Variants in PCDHGC4 observed in about 807,000 individuals in gnomAD.
PCDHGC4 encodes protocadherin gamma subfamily C, 4.
A neutral mutation model predicts 59.7 loss-of-function variants in PCDHGC4; 15 were observed. The ratio of observed to expected loss-of-function variants is 0.25; its 90% CI spans 0.17 to 0.39. The LOEUF (loss-of-function observed/expected upper bound fraction) is 0.39. PCDHGC4 is among the 10% of genes least tolerant of loss of function. The pLI is 1.00. For missense variants in PCDHGC4, 1,016 were observed against 1,189.5 expected (o/e 0.85, Z 2.15); for synonymous variants, 434 against 481.4 (o/e 0.90, Z 1.29).
chr5:141,494,491 T>C (rs2099754727), intron 1 of PCDHGC4, among the ~76,000 whole-genome samples: 1 of 152,150 alleles, frequency 6.6e-6, no homozygotes, highest in Admixed American at 6.5e-5. Context: ...AGAAGATGCC[T>C]TCAGTCCTTG....
At chr5:141,498,958 A>T (rs1200201746) in intron 2 of PCDHGC4, among the ~76,000 whole-genome samples, 2 of 123,248 alleles carry the variant, frequency 1.6e-5, no homozygotes, top group Admixed American at 1.8e-4. Flanking sequence ...AAAGAGAGAG[A>T]GGGAGGGAGG....
chr5:141,485,607 C>T lies in PCDHGC4; in HGVS notation c.434C>T (p.Ala145Val). Residue 145 changes from alanine (A) to valine (V), a missense_variant, in exon 1 of 4, where the codon GCA (alanine) becomes GTA (valine). Physicochemically the swap from Ala to Val is moderately conservative, Grantham distance 64. Coordinates refer to ENST00000306593, the MANE Select transcript of PCDHGC4 (RefSeq NM_018928.3). The surrounding 1 kb of genome is among the most constrained non-coding windows in gnomAD (Gnocchi z 5.7). ...CAGCTGGACTTGGAAATTGGGGAGG[C>T]AGCTCCTCCAGGACAGCGTTTCCCG... is the stretch of plus-strand genomic sequence containing the variant. ...RQQLDLEIGE[A>V]APPGQRFPLE... 1 of 1,612,008 alleles carries T rather than the reference C, an allele frequency of 6.2e-7. No individual in the cohort carries two copies. The highest frequency in any genetic ancestry group is 8.5e-7 in the Non-Finnish European group (1 of 1,178,534).
intron 3 of PCDHGC4, among the ~76,000 whole-genome samples, chr5:141,509,952 C>T (rs954730777): frequency 7.2e-5 from 11 of 152,186 alleles, no homozygotes; most frequent in African/African-American, 2.2e-4. Flanking sequence ...CAAATGCTAC[C>T]GGGTATGGCC....
chr5:141,487,968 T>C lies in PCDHGC4; in HGVS notation c.2442+353T>C, dbSNP rs2099670029. Among the ~76,000 whole-genome samples the C allele has an allele frequency of 6.6e-6, 1 of 152,236 alleles. No individual in the cohort carries two copies. The highest frequency in any genetic ancestry group is 1.5e-5 in the Non-Finnish European group (1 of 68,050). On this transcript the variant is annotated intron_variant, in intron 1 of 3. Transcript: ENST00000306593. This position sits in a 1 kb window ranked among gnomAD's most constrained non-coding sequence, Gnocchi z 5.0. The stretch of plus-strand genomic sequence containing the variant: ...AGGCAGTCACTTGGACAAAGGTGGC[T>C]GTTTTCTCTACTCTTCCTGAAAGAG...
rs1596259997 is a variant in PCDHGC4, at chr5:141,509,990, A to G, written c.2591-957A>G. Among the ~76,000 whole-genome samples the G allele has an allele frequency of 2.6e-5, 4 of 152,266 alleles. No individual in the cohort carries two copies. The South Asian group carries it at 8.3e-4, about 32-fold the overall frequency. ...GGTCCTTCTAACACTTGGTTCCCTC[A>G]TCTGTAAAATGAGGGTCATACCACA... is the stretch of plus-strand genomic sequence containing the variant. On this transcript the variant is annotated intron_variant, in intron 3 of 3. Transcript: ENST00000306593.
chr5:141,511,598 A>C lies in PCDHGC4; in HGVS notation c.*425A>C. ...GGTTGGGGTGTTGAAGTACCAAGTA[A>C]CCTACAAGCCTCCTAGTTCTGAAAA... On this transcript the variant is annotated 3_prime_UTR_variant, in exon 4 of 4. Transcript: ENST00000306593. 3.9e-6 allele frequency: 1 copy of C among 255,742 alleles called. No individual in the cohort carries two copies. The highest frequency in any genetic ancestry group is 7.8e-6 in the Non-Finnish European group (1 of 127,952). The allele number at this position is 255,742 out of a possible 1,614,324, so 15.8% of individuals were successfully genotyped here.
chr5:141,510,854 T>A, intron 3 of PCDHGC4, 93 bp from the exon 4 acceptor site: 1 of 1,602,320 alleles, frequency 6.2e-7, no homozygotes, highest in East Asian at 2.2e-5. Context: ...CCCAGGGTGC[T>A]GTATAGGCAT....
At position 141,511,436 on chromosome 5, in the gene PCDHGC4, T is replaced by C. The variant is rs1371734719; in HGVS notation, c.*263T>C. The C allele has an allele frequency of 1.5e-5, 11 of 718,486 alleles. No individual in the cohort carries two copies. The highest frequency in any genetic ancestry group is 2.2e-5 in the Non-Finnish European group (10 of 461,474). The allele number at this position is 718,486 out of a possible 1,614,324, so 44.5% of individuals were successfully genotyped here. The stretch of plus-strand genomic sequence containing the variant: ...ACCCATGGGGGTAGTGGGGTTACTG[T>C]AGACACCAAGAACCATTTGCCACAC... On this transcript the variant is annotated 3_prime_UTR_variant, in exon 4 of 4. Coordinates refer to ENST00000306593, the MANE Select transcript of PCDHGC4 (RefSeq NM_018928.3).
chr5:141,489,844 C>T lies in PCDHGC4; in HGVS notation c.2442+2229C>T, dbSNP rs1004902910. 4.3e-6 allele frequency: 7 copies of T among 1,614,148 alleles called. No homozygotes were observed. The African/African-American group carries it at 9.3e-5, about 22-fold the overall frequency. ...GCTGGTGCTAGAGCAGCAGCTGGAT[C>T]GTGAAGCCCAGGCAAGACATCAGCT... On this transcript the variant is annotated intron_variant, in intron 1 of 3. Transcript: ENST00000306593. The surrounding 1 kb of genome is among the most constrained non-coding windows in gnomAD (Gnocchi z 4.5).
intron 2 of PCDHGC4, among the ~76,000 whole-genome samples, chr5:141,501,159 C>G (rs1475164887): frequency 6.6e-6 from 1 of 152,096 alleles, no homozygotes; most frequent in East Asian, 1.9e-4. Context: ...GAGCCACCAT[C>G]CCCAGCCTCA....
At chr5:141,488,834 G>A (rs976460724) in intron 1 of PCDHGC4, among the ~76,000 whole-genome samples, 1 of 152,160 alleles carries the variant, frequency 6.6e-6, no homozygotes, top group Admixed American at 6.5e-5. Context: ...GCTGCCAAGG[G>A]GGCTGAATCA....
At chr5:141,488,134 A>G (rs546928916) in intron 1 of PCDHGC4, among the ~76,000 whole-genome samples, 1 of 152,332 alleles carries the variant, frequency 6.6e-6, no homozygotes, top group African/African-American at 2.4e-5. Flanking sequence ...GAAAGAGGAG[A>G]GAACTAAAGG....
rs539892249 is a variant in PCDHGC4 at position 141,500,355 on chromosome 5, C to T, written c.2502-5038C>T. ...TCCAGAATAGCTGGGACTACAGGCG[C>T]CCACTACCACGCCCGGCTAATTATT... On this transcript the variant is annotated intron_variant, in intron 2 of 3. Coordinates refer to ENST00000306593, the MANE Select transcript of PCDHGC4 (RefSeq NM_018928.3). Among the ~76,000 whole-genome samples, 274 of 152,030 alleles carry T rather than the reference C, an allele frequency of 1.8e-3. 2 individuals are homozygous for T. The highest frequency in any genetic ancestry group is 6.3e-3 in the African/African-American group (263 of 41,478).
At position 141,511,127 on chromosome 5, in the gene PCDHGC4, G is replaced by C; in HGVS notation, c.2771G>C (p.Gly924Ala). 1 of 1,614,194 alleles carries C rather than the reference G, an allele frequency of 6.2e-7. No individual in the cohort carries two copies. Among genetic ancestry groups the C allele is most frequent in the Non-Finnish European group, 8.5e-7 (1 of 1,180,018 alleles). The change falls in exon 4 of 4, where the codon GGT becomes GCT. Residue 924 changes from glycine to alanine, a missense_variant. Coordinates refer to ENST00000306593, the MANE Select transcript of PCDHGC4 (RefSeq NM_018928.3). ...AGKRDGKAPA[G>A]GNGNKKKSGK... ...AAGCGGGATGGCAAGGCCCCAGCAG[G>C]TGGCAATGGCAACAAGAAGAAGTCG...
rs1322608789 is a variant in PCDHGC4, at chr5:141,485,671, G to A, written c.498G>A (p.Ser166=). 3 of 1,612,860 alleles carry A rather than the reference G, an allele frequency of 1.9e-6. No homozygotes were observed. The highest frequency in any genetic ancestry group is 2.5e-6 in the Non-Finnish European group (3 of 1,179,040). Residue 166 remains serine (S), a synonymous_variant, in exon 1 of 4, where the codon TCG becomes TCA. Coordinates refer to ENST00000306593, the MANE Select transcript of PCDHGC4 (RefSeq NM_018928.3). This position sits in a 1 kb window ranked among gnomAD's most constrained non-coding sequence, Gnocchi z 5.7. Reference sequence around the variant, plus strand: ...AGGATGCAGATGTGGGGAGCAATTCGATTAGCAGCTATAGGCTGAGCTCCA... The same window carrying A: ...AGGATGCAGATGTGGGGAGCAATTCAATTAGCAGCTATAGGCTGAGCTCCA... The part of the protein sequence containing the change: ...KAQDADVGSN[S]ISSYRLSSNE...
intron 3 of PCDHGC4, chr5:141,508,128 T>C (rs1490298338): frequency 6.6e-6 from 1 of 151,706 alleles, no homozygotes; most frequent in African/African-American, 2.4e-5. Context: ...CAGAGGGAGG[T>C]CAGGGAGCTG....
chr5:141,490,611 G>A lies in PCDHGC4; in HGVS notation c.2442+2996G>A, dbSNP rs1442281165. 1 of 1,614,052 alleles carries A rather than the reference G, an allele frequency of 6.2e-7. No homozygotes were observed. The highest frequency in any genetic ancestry group is 1.3e-5 in the African/African-American group (1 of 74,914). On this transcript the variant is annotated intron_variant, in intron 1 of 3. Coordinates refer to ENST00000306593, the MANE Select transcript of PCDHGC4 (RefSeq NM_018928.3). This position sits in a 1 kb window ranked among gnomAD's most constrained non-coding sequence, Gnocchi z 5.4. ...ACAATGCACCCCGCTTCAACCAGCA[G>A]CTTTACACTGCTTACATCCTAGAAA...
At chr5:141,508,535 C>CA (rs1426956469) in intron 3 of PCDHGC4, among the ~76,000 whole-genome samples, 1 of 152,172 alleles carries the variant, frequency 6.6e-6, no homozygotes, top group Admixed American at 6.5e-5. Flanking sequence ...GGGCACCCCC[C>CA]ACGAGGTGGG....
At chr5:141,497,079 C>T (rs564690352) in intron 2 of PCDHGC4, among the ~76,000 whole-genome samples, 2 of 151,982 alleles carry the variant, frequency 1.3e-5, no homozygotes, top group African/African-American at 4.8e-5. Flanking sequence ...ATCCCAGCGA[C>T]TTAGGAGGCT....
Sources: allele counts gnomAD v4.1 joint callset (sites outside exome capture counted in the v4.1 genomes callset), GRCh38; gene constraint gnomAD v4.1.1; non-coding constraint Gnocchi (gnomAD v3.1); transcripts MANE v1.5; gene names NCBI Gene and HGNC (gene_info 2026-07-23, HGNC 2026-07-21).